Variants in ASIC2 observed in about 807,000 individuals in gnomAD.
The protein encoded by ASIC2 is acid-sensing ion channel 2.
A neutral mutation model predicts 57.3 loss-of-function variants in ASIC2; 25 were observed. The observed-to-expected ratio is 0.44, with a 90% CI of 0.32 to 0.61. ASIC2 has a LOEUF of 0.61. Among genes scored for constraint, ASIC2 ranks in the 20% least tolerant of loss-of-function variants. The pLI is 0.06. For missense variants in ASIC2, 641 were observed against 738.1 expected, an observed-to-expected ratio of 0.87 and a Z score of 1.52; for synonymous variants, 319 against 307.5, an observed-to-expected ratio of 1.04 and a Z score of -0.39.
intron 1 of ASIC2, among the ~76,000 whole-genome samples, chr17:34,099,175 A>G (rs1910693112): frequency 5.7e-5 from 1 of 17,684 alleles, no homozygotes; most frequent in African/African-American, 1.1e-4. Flanking sequence ...AAAGAAAGAA[A>G]GAAAGAAAGA....
intron 1 of ASIC2, among the ~76,000 whole-genome samples, chr17:34,073,254 C>T (rs190645027): frequency 9.9e-5 from 15 of 152,278 alleles, no homozygotes; most frequent in African/African-American, 3.6e-4. Context: ...ATTGAAATCA[C>T]CCCGAAAAGC....
chr17:33,071,486 AAATGTTTT>A (rs2092068869), intron 3 of ASIC2, among the ~76,000 whole-genome samples: 1 of 152,194 alleles, frequency 6.6e-6, no homozygotes, highest in African/African-American at 2.4e-5. Flanking sequence ...ATTTAGCTAT[AAATGTTTT>A]AATGTCCTTG....
intron 1 of ASIC2, among the ~76,000 whole-genome samples, chr17:33,391,994 G>A (rs557592248): frequency 3.9e-5 from 6 of 152,188 alleles, no homozygotes; most frequent in East Asian, 1.9e-4. Context: ...CTGTACTCAT[G>A]ATCTCCCCAA....
intron 1 of ASIC2, among the ~76,000 whole-genome samples, chr17:33,526,637 T>C (rs529584707): frequency 0.013 from 1,949 of 152,250 alleles, no homozygotes; most frequent in African/African-American, 0.045. Context: ...CCAGGTTGCC[T>C]TTGCTGCCCT....
At chr17:33,496,155 G>C (rs1464710036) in intron 1 of ASIC2, among the ~76,000 whole-genome samples, 1 of 152,216 alleles carries the variant, frequency 6.6e-6, no homozygotes, top group Non-Finnish European at 1.5e-5. Flanking sequence ...GGGTAGGAAA[G>C]GCAGAAGAAC....
chr17:33,768,035 G>A (rs1910985528), intron 1 of ASIC2, among the ~76,000 whole-genome samples: 1 of 150,534 alleles, frequency 6.6e-6, no homozygotes, highest in Non-Finnish European at 1.5e-5. Flanking sequence ...TTGAGACGGA[G>A]TCTCACTCTG....
rs572619792 is a variant in ASIC2, at chr17:33,522,994, A to C, written c.556-410927T>G. On this transcript the variant is annotated intron_variant, in intron 1 of 9. Coordinates refer to the ASIC2 transcript ENST00000359872. ...TGATCAAGCCAGGTTGCAGGAAGGA[A>C]AGTGATCTACACAGCAAGTGGGTGA... 1.0e-3 allele frequency among the ~76,000 whole-genome samples: 131 copies of C among 130,178 alleles called. 1 individual carries two copies. Among genetic ancestry groups the C allele is most frequent in the African/African-American group, 3.6e-3 (125 of 34,754 alleles). 85.4% of individuals were successfully genotyped at this position (130,178 alleles called of 152,430 possible).
chr17:33,127,666 G>A (rs941613733), intron 1 of ASIC2, among the ~76,000 whole-genome samples: 5 of 152,116 alleles, frequency 3.3e-5, no homozygotes, highest in East Asian at 1.9e-4. Flanking sequence ...TGAAAATGTC[G>A]CTCTAGTTAG....
chr17:33,450,630 TTAAA>T (rs1912211784), intron 1 of ASIC2, among the ~76,000 whole-genome samples: 2 of 152,204 alleles, frequency 1.3e-5, no homozygotes, highest in Non-Finnish European at 2.9e-5. Context: ...AACTGTAGAG[TTAAA>T]TTAGTTGAGA....
At chr17:34,091,396 T>C (rs1260273901) in intron 1 of ASIC2, among the ~76,000 whole-genome samples, 1 of 152,194 alleles carries the variant, frequency 6.6e-6, no homozygotes. Context: ...CAAGTGATGA[T>C]TGAGGCAGGG....
At position 33,781,168 on chromosome 17, in the gene ASIC2, G is replaced by A. The variant is rs534319803; in HGVS notation, c.555+374810C>T. Among the ~76,000 whole-genome samples, 10 of 152,268 alleles carry A rather than the reference G, an allele frequency of 6.6e-5. No homozygotes were observed. In the South Asian group the frequency reaches 1.0e-3, roughly 16 times the overall value. ...CCCAGCCCTGCTTCCCAAAGTGCCC[G>A]CGTTTAATGTTTGCTAACAGCCACG... On this transcript the variant is annotated intron_variant, in intron 1 of 9. Coordinates refer to the ASIC2 transcript ENST00000359872.
chr17:33,142,771 G>A (rs779429127), intron 1 of ASIC2, among the ~76,000 whole-genome samples: 1 of 152,170 alleles, frequency 6.6e-6, no homozygotes, highest in Non-Finnish European at 1.5e-5. Flanking sequence ...ATTTTATCAT[G>A]TGTCTGAACA....
intron 1 of ASIC2, among the ~76,000 whole-genome samples, chr17:33,874,064 G>A (rs1914489244): frequency 6.6e-6 from 1 of 152,158 alleles, no homozygotes; most frequent in Non-Finnish European, 1.5e-5. Flanking sequence ...CTTCGGGCTT[G>A]GCCTCTCCTA....
At chr17:33,375,145 T>C (rs1040836704) in intron 1 of ASIC2, among the ~76,000 whole-genome samples, 2 of 152,072 alleles carry the variant, frequency 1.3e-5, no homozygotes, top group African/African-American at 4.8e-5. Context: ...ACATAGAAAA[T>C]TAGGCAGGTT....
At chr17:33,815,617 T>G (rs1302762727) in intron 1 of ASIC2, among the ~76,000 whole-genome samples, 1 of 152,210 alleles carries the variant, frequency 6.6e-6, no homozygotes, top group Non-Finnish European at 1.5e-5. Context: ...GGTACTGTTC[T>G]GCTCACCTGA....
chr17:34,120,315 T>A (rs193011114), intron 1 of ASIC2: 2 of 152,742 alleles, frequency 1.3e-5, no homozygotes, highest in African/African-American at 4.8e-5. Context: ...TCCTCAGCCA[T>A]CCCACCTCTG....
intron 1 of ASIC2, among the ~76,000 whole-genome samples, chr17:33,195,680 A>T (rs1300708820): frequency 6.6e-6 from 1 of 151,150 alleles, no homozygotes; most frequent in East Asian, 1.9e-4. Context: ...GAGGACACAC[A>T]CGATCATCTT....
intron 1 of ASIC2, among the ~76,000 whole-genome samples, chr17:33,939,907 G>T (rs1202827362): frequency 2.6e-5 from 4 of 152,190 alleles, no homozygotes; most frequent in Non-Finnish European, 5.9e-5. Flanking sequence ...CTGTTGAGGA[G>T]ACCAGGGTTC....
chr17:33,897,436 C>T (rs1288910004), intron 1 of ASIC2, among the ~76,000 whole-genome samples: 1 of 152,242 alleles, frequency 6.6e-6, no homozygotes, highest in Non-Finnish European at 1.5e-5. Context: ...CATCTTTGTG[C>T]ACCCATAACA....
Sources: allele counts gnomAD v4.1 joint callset (sites outside exome capture counted in the v4.1 genomes callset), GRCh38; gene constraint gnomAD v4.1.1; transcripts MANE v1.5; gene names NCBI Gene and HGNC (gene_info 2026-07-23, HGNC 2026-07-21).